The following CENPF variants were observed in gnomAD, a reference collection of about 807,000 sequenced individuals.
CENPF encodes centromere protein F.
CENPF carries 214 observed loss-of-function variants against 307.3 expected under a neutral mutation model. The observed-to-expected ratio is 0.70, with a 90% CI of 0.62 to 0.78. The LOEUF (loss-of-function observed/expected upper bound fraction) is 0.78. Ranked by LOEUF, CENPF falls within the 30% of genes least tolerant of loss-of-function variation. The pLI is 0.00. For missense variants in CENPF, 3,401 were observed against 3,483.9 expected, an observed-to-expected ratio of 0.98 and a Z score of 0.60; for synonymous variants, 1,259 against 1,270.6, an observed-to-expected ratio of 0.99 and a Z score of 0.19.
In CENPF at chr1:214,620,613, A is replaced by G. The variant is rs768411525; in HGVS notation, c.574-42A>G. ...TCTGAAAATAAATAGCCTTGAGTAT[A>G]TAAGATCTTTAAAGGCCTCTAAAGA... is the stretch of plus-strand genomic sequence containing the variant. On this transcript the variant is annotated intron_variant, in intron 5 of 19. Coordinates refer to ENST00000366955, the MANE Select transcript of CENPF (RefSeq NM_016343.4). 4.7e-5 allele frequency: 73 copies of G among 1,549,276 alleles called. No homozygotes were observed. In the Admixed American group the frequency reaches 1.1e-3, roughly 23 times the overall value.
Position 214,644,585 on chromosome 1 carries a change from A to T in CENPF, c.5015A>T (p.Asp1672Val). Residue 1672 changes from aspartate to valine, a missense_variant, in exon 13 of 20, where the codon GAC (aspartate) becomes GTC (valine). Asp to Val is a radical substitution (Grantham distance 152). Transcript: ENST00000366955. Reference protein sequence around the residue: ...DAIQGRNESCDISKEHTSETT... With the variant: ...DAIQGRNESCVISKEHTSETT... ...ATTCAAGGCCGAAATGAGAGCTGTG[A>T]CATATCAAAAGAACATACTTCAGAA... 1 of 1,608,662 alleles carries T rather than the reference A, an allele frequency of 6.2e-7. No homozygotes were observed. Among genetic ancestry groups the T allele is most frequent in the African/African-American group, 1.3e-5 (1 of 74,730 alleles).
chr1:214,616,905 CTTTCTTTCT>C (rs1657369147), intron 3 of CENPF, among the ~76,000 whole-genome samples: 1 of 75,110 alleles, frequency 1.3e-5, no homozygotes, highest in Admixed American at 1.4e-4. Context: ...TTCTTTCTTT[CTTTCTTTCT>C]TTCTTTCTTC....
chr1:214,658,606 T>C (rs1354678462), intron 18 of CENPF, among the ~76,000 whole-genome samples: 1 of 152,188 alleles, frequency 6.6e-6, no homozygotes, highest in Non-Finnish European at 1.5e-5. Flanking sequence ...TGTAGTGTTA[T>C]TTTCCCCTTC....
At chr1:214,648,050 G>C in intron 13 of CENPF, 1 of 437,586 alleles carries the variant, frequency 2.3e-6, no homozygotes, top group Non-Finnish European at 4.6e-6. Flanking sequence ...CTTACTTAGT[G>C]ATCTAGGAAA....
chr1:214,653,466 ACTTTTT>A (rs1558190726), intron 16 of CENPF: 1 of 48,700 alleles, frequency 2.1e-5, no homozygotes, highest in African/African-American at 3.6e-5. Flanking sequence ...GGATCATAGA[ACTTTTT>A]TTTTTTTTTT....
chr1:214,615,537 G>A (rs987876266), intron 3 of CENPF, among the ~76,000 whole-genome samples: 6 of 152,118 alleles, frequency 3.9e-5, no homozygotes, highest in Non-Finnish European at 7.4e-5. Flanking sequence ...AGAATGAGAG[G>A]GAGAACTAGG....
chr1:214,608,894 C>G (rs1222525441), intron 1 of CENPF: 1 of 1,398,512 alleles, frequency 7.2e-7, no homozygotes, highest in African/African-American at 1.5e-5. Context: ...ACAACGCCGC[C>G]CGGCCTGGCC....
intron 3 of CENPF, among the ~76,000 whole-genome samples, chr1:214,616,858 TTTCTTTCTTTCTTTCTTTCTTTC>T (rs1394717975): frequency 9.7e-5 from 3 of 31,044 alleles, no homozygotes; most frequent in Admixed American, 3.2e-4. Flanking sequence ...TCTTTCTTTC[TTTCTTTCTTTCTTTCTTTCTTTC>T]TTTCTTTCTT....
In CENPF at chr1:214,663,544, G is replaced by A. The variant is rs1021557483; in HGVS notation, c.9142-47G>A. ...ATAGTGCTTTATTTTTCATGTTGTGGAAATGTGAATGTGATTGAACCTCTA... is the reference window on the plus strand; with the variant it reads ...ATAGTGCTTTATTTTTCATGTTGTGAAAATGTGAATGTGATTGAACCTCTA... On this transcript the variant is annotated intron_variant, in intron 19 of 19. Coordinates refer to ENST00000366955, the MANE Select transcript of CENPF (RefSeq NM_016343.4). The A allele has an allele frequency of 3.8e-6, 6 of 1,570,106 alleles. No homozygotes were observed. The African/African-American group carries it at 8.1e-5, about 21-fold the overall frequency.
At position 214,640,187 on chromosome 1, in the gene CENPF, A is replaced by T; in HGVS notation, c.1849A>T (p.Thr617Ser). 1 of 1,595,454 alleles carries T rather than the reference A, an allele frequency of 6.3e-7. No homozygotes were observed. Among genetic ancestry groups the T allele is most frequent in the East Asian group, 2.2e-5 (1 of 44,808 alleles). Residue 617 changes from threonine to serine, a missense_variant, in exon 12 of 20, where the codon ACT becomes TCT. Coordinates refer to ENST00000366955, the MANE Select transcript of CENPF (RefSeq NM_016343.4). ...KEYEELKEEKTLFSCWKSENE... is the reference protein window; with the variant it reads ...KEYEELKEEKSLFSCWKSENE... ...ATATGAAGAATTGAAAGAAGAGAAA[A>T]CTCTGTTTTCTTGTTGGAAAAGTGA...
In CENPF at chr1:214,640,439, A is replaced by C. The variant is rs3795524; in HGVS notation, c.2101A>C (p.Met701Leu). The C allele has an allele frequency of 6.5e-4, 1,056 of 1,614,050 alleles. 7 individuals are homozygous for C. The African/African-American group carries it at 0.012, about 18-fold the overall frequency. Residue 701 changes from methionine (M) to leucine (L), a missense_variant, in exon 12 of 20, where the codon ATG becomes CTG. Coordinates refer to ENST00000366955, the MANE Select transcript of CENPF (RefSeq NM_016343.4). ...GGTAGAGACCCAGAAACTAGCTTAT[A>C]TGGAGCTACAGCAGAAAGCTGAGTT... The part of the protein sequence containing the change: ...VEVETQKLAY[M>L]ELQQKAEFSD...
chr1:214,649,412 T>C lies in CENPF; in HGVS notation c.7983+585T>C, dbSNP rs540157119. Among the ~76,000 whole-genome samples, 5 of 152,254 alleles carry C rather than the reference T, an allele frequency of 3.3e-5. No individual in the cohort carries two copies. The South Asian group carries it at 1.0e-3, about 32-fold the overall frequency. The stretch of plus-strand genomic sequence containing the variant: ...ATGCAGAGAGAGCTGGCAGATGAAA[T>C]GAAACCTGTTTGTCATACCTGATTA... On this transcript the variant is annotated intron_variant, in intron 14 of 19. Transcript: ENST00000366955.
chr1:214,626,872 T>C (rs1300531938), intron 7 of CENPF, among the ~76,000 whole-genome samples: 2 of 152,238 alleles, frequency 1.3e-5, no homozygotes, highest in Non-Finnish European at 2.9e-5. Context: ...TCTGCCAAGC[T>C]AGGCCTTCCT....
At position 214,630,557 on chromosome 1, in the gene CENPF, T is replaced by G. The variant is rs139919911; in HGVS notation, c.1218T>G (p.Ser406=). The G allele has an allele frequency of 2.2e-4, 353 of 1,614,192 alleles. 4 individuals carry two copies. In the African/African-American group the frequency reaches 4.5e-3, roughly 20 times the overall value. The change falls in exon 9 of 20, where the codon TCT becomes TCG. Residue 406 remains serine (S), a synonymous_variant. Coordinates refer to ENST00000366955, the MANE Select transcript of CENPF (RefSeq NM_016343.4). ...FQEELSRQQR[S]FQTLDQECIQ... is the part of the protein sequence containing the mutation. ...AGGAGCTCTCCCGTCAACAGCGTTC[T>G]TTCCAAACACTGGACCAGGAGTGCA...
rs751666266 is a variant in CENPF at position 214,645,029 on chromosome 1, C to A, written c.5459C>A (p.Thr1820Asn). The A allele has an allele frequency of 6.2e-7, 1 of 1,613,556 alleles. No homozygotes were observed. Among genetic ancestry groups the A allele is most frequent in the East Asian group, 2.2e-5 (1 of 44,838 alleles). The change falls in exon 13 of 20, where the codon ACC becomes AAC. Residue 1820 changes from threonine (T) to asparagine (N), a missense_variant. Physicochemically the swap from Thr to Asn is moderately conservative, Grantham distance 65 (BLOSUM62 0). Coordinates refer to ENST00000366955, the MANE Select transcript of CENPF (RefSeq NM_016343.4). Reference protein sequence around the residue: ...KLHLQEVQLMTKIEACIELEK... With the variant: ...KLHLQEVQLMNKIEACIELEK... ...CATTTACAGGAGGTACAACTAATGA[C>A]CAAAATTGAAGCATGCATAGAATTG...
At position 214,629,083 on chromosome 1, in the gene CENPF, A is replaced by C; in HGVS notation, c.1106A>C (p.Glu369Ala). 5.0e-6 allele frequency: 8 copies of C among 1,611,448 alleles called. No individual in the cohort carries two copies. Among genetic ancestry groups the C allele is most frequent in the Non-Finnish European group, 6.8e-6 (8 of 1,178,998 alleles). ...GAACAAAAACTGAAAAAATTGACGG[A>C]AGATTTGAGTTGTCAGCGACAAAAT... ...ALEQKLKKLT[E>A]DLSCQRQNAE... Residue 369 changes from glutamate (E) to alanine (A), a missense_variant, in exon 8 of 20, where the codon GAA becomes GCA. By Grantham distance (107) the Glu-to-Ala change is moderately radical. Coordinates refer to ENST00000366955, the MANE Select transcript of CENPF (RefSeq NM_016343.4).
intron 1 of CENPF, chr1:214,613,324 T>C: frequency 3.9e-6 from 1 of 254,418 alleles, no homozygotes; most frequent in Non-Finnish European, 7.8e-6. Context: ...TACCTTTTTC[T>C]GGCCTTCTTC....
rs192060996 is a variant in CENPF at position 214,611,889 on chromosome 1, A to G, written c.-41-1825A>G. 3.6e-3 allele frequency among the ~76,000 whole-genome samples: 550 copies of G among 152,272 alleles called. 2 individuals carry two copies. The highest frequency in any genetic ancestry group is 0.013 in the African/African-American group (538 of 41,566). ...CTGAAGGAGCTTTTGGGCCAAGACTATGGGGTTTTCTAGATGTAGGATCAT... is the reference window on the plus strand; with the variant it reads ...CTGAAGGAGCTTTTGGGCCAAGACTGTGGGGTTTTCTAGATGTAGGATCAT... On this transcript the variant is annotated intron_variant, in intron 1 of 19. Transcript: ENST00000366955.
At position 214,642,202 on chromosome 1, in the gene CENPF, C is replaced by A. The variant is rs1658141377; in HGVS notation, c.3864C>A (p.His1288Gln). The A allele has an allele frequency of 1.9e-6, 3 of 1,614,006 alleles. No homozygotes were observed. The highest frequency in any genetic ancestry group is 1.6e-4 in the Middle Eastern group (1 of 6,084). ...CAACAAGTCAAAACGACAATGCACA[C>A]CTTCAGTGCTCTCTGCAAACAACAA... is the stretch of plus-strand genomic sequence containing the variant. The part of the protein sequence containing the change: ...ELSTSQNDNA[H>Q]LQCSLQTTMN... Residue 1288 changes from histidine to glutamine, a missense_variant, in exon 12 of 20, where the codon CAC (histidine) becomes CAA (glutamine). By Grantham distance (24) the His-to-Gln change is conservative. Coordinates refer to ENST00000366955, the MANE Select transcript of CENPF (RefSeq NM_016343.4).
Sources: allele counts gnomAD v4.1 joint callset (sites outside exome capture counted in the v4.1 genomes callset), GRCh38; gene constraint gnomAD v4.1.1; transcripts MANE v1.5; gene names NCBI Gene and HGNC (gene_info 2026-07-23, HGNC 2026-07-21).